Variants in MAP2K6 observed in about 807,000 individuals in gnomAD.
MAP2K6 encodes the protein dual specificity mitogen-activated protein kinase kinase 6.
Under a neutral mutation model 53.7 loss-of-function variants are expected in MAP2K6, and 16 were observed. That is an observed-to-expected ratio of 0.30 (90% CI 0.20 to 0.45). MAP2K6 has a LOEUF of 0.45. MAP2K6 is among the 20% of genes least tolerant of loss of function. The pLI is 1.00. For missense variants in MAP2K6, 204 were observed against 411.9 expected, an observed-to-expected ratio of 0.50 and a Z score of 4.37; for synonymous variants, 132 against 143.1, an observed-to-expected ratio of 0.92 and a Z score of 0.55.
rs558886545 is a variant in MAP2K6, at chr17:69,536,139, G to C, written c.906G>C (p.Arg302=). 17 of 1,611,068 alleles carry C rather than the reference G, an allele frequency of 1.1e-5. No individual in the cohort carries two copies. The East Asian group carries it at 3.6e-4, about 34-fold the overall frequency. ...SQCLKKNSKE[R]PTYPELMQHP... ...GCTTAAAGAAGAATTCCAAAGAACG[G>C]CCTACATACCCAGAGCTAATGGTGA... Residue 302 remains arginine (R), a synonymous_variant, in exon 11 of 12, where the codon CGG becomes CGC. Transcript: ENST00000590474.
chr17:69,447,473 G>T (rs1432040695), intron 1 of MAP2K6, among the ~76,000 whole-genome samples: 1 of 151,862 alleles, frequency 6.6e-6, no homozygotes, highest in Non-Finnish European at 1.5e-5. Flanking sequence ...AGCCTCCCGA[G>T]TAGCTGGAAT....
chr17:69,479,431 G>A (rs1452147925), intron 1 of MAP2K6, among the ~76,000 whole-genome samples: 1 of 152,054 alleles, frequency 6.6e-6, no homozygotes, highest in Non-Finnish European at 1.5e-5. Flanking sequence ...CAAGCTATGT[G>A]TAAAGGGGTG....
intron 1 of MAP2K6, chr17:69,435,018 C>T (rs1003471360): frequency 1.3e-5 from 2 of 152,156 alleles, no homozygotes; most frequent in African/African-American, 2.4e-5. Context: ...ATAACTCAAA[C>T]ATTTTACCTT....
At chr17:69,541,474 GGAAA>G (rs1378290305) in intron 11 of MAP2K6, among the ~76,000 whole-genome samples, 198 bp from the exon 12 acceptor site, 1 of 151,974 alleles carries the variant, frequency 6.6e-6, no homozygotes, top group Non-Finnish European at 1.5e-5. Flanking sequence ...ATATCAAGAT[GGAAA>G]GAGTGACAAC....
intron 1 of MAP2K6, among the ~76,000 whole-genome samples, chr17:69,449,301 A>G (rs947457699): frequency 1.6e-4 from 25 of 151,824 alleles, no homozygotes; most frequent in African/African-American, 6.0e-4. Flanking sequence ...ATAGTACATA[A>G]ACTATACATA....
In MAP2K6 at chr17:69,545,088, T is replaced by A; in HGVS notation, c.*3335T>A. On this transcript the variant is annotated 3_prime_UTR_variant, in exon 12 of 12. Transcript: ENST00000590474. ...CTCAGAGCTGGAGTTTTAGCATCAT[T>A]GACTCTTTGTAAAACGCCATGTCAT... 6.6e-6 allele frequency: 1 copy of A among 152,218 alleles called. No individual in the cohort carries two copies. Among genetic ancestry groups the A allele is most frequent in the Non-Finnish European group, 1.5e-5 (1 of 68,042 alleles). 9.4% of individuals were successfully genotyped at this position (152,218 alleles called of 1,614,324 possible).
At chr17:69,421,163 G>C (rs975424465) in intron 1 of MAP2K6, among the ~76,000 whole-genome samples, 1 of 152,162 alleles carries the variant, frequency 6.6e-6, no homozygotes, top group African/African-American at 2.4e-5. Context: ...GCTCTCATTT[G>C]CTCCTAAGTT....
chr17:69,419,544 A>T (rs1906009966), intron 1 of MAP2K6, among the ~76,000 whole-genome samples: 1 of 152,256 alleles, frequency 6.6e-6, no homozygotes, highest in Non-Finnish European at 1.5e-5. Flanking sequence ...TAATATTATT[A>T]GTGATAAGGC....
At chr17:69,512,927 C>T (rs910910005) in intron 2 of MAP2K6, among the ~76,000 whole-genome samples, 10 of 152,082 alleles carry the variant, frequency 6.6e-5, no homozygotes, top group Admixed American at 4.6e-4. Flanking sequence ...CATACTAAAC[C>T]GAAGCTGGTT....
rs915646370 is a variant in MAP2K6, at chr17:69,467,978, C to T, written c.17-37802C>T. Among the ~76,000 whole-genome samples, 8 of 152,308 alleles carry T rather than the reference C, an allele frequency of 5.3e-5. No individual in the cohort carries two copies. In the East Asian group the frequency reaches 1.5e-3, roughly 29 times the overall value. ...ACGAGGTTTCACCATGTTGGCCAGACTGGTCTCGAACTCCTGACCTCAAGT... is the reference window on the plus strand; with the variant it reads ...ACGAGGTTTCACCATGTTGGCCAGATTGGTCTCGAACTCCTGACCTCAAGT... On this transcript the variant is annotated intron_variant, in intron 1 of 11. Coordinates refer to ENST00000590474, the MANE Select transcript of MAP2K6 (RefSeq NM_002758.4).
chr17:69,485,430 A>T, intron 1 of MAP2K6: 1 of 974,658 alleles, frequency 1.0e-6, no homozygotes, highest in South Asian at 4.7e-5. Context: ...ATTTTCTCTT[A>T]TCTCTATGGA....
intron 1 of MAP2K6, among the ~76,000 whole-genome samples, chr17:69,498,418 T>G (rs1206620570): frequency 6.6e-6 from 1 of 152,128 alleles, no homozygotes; most frequent in Non-Finnish European, 1.5e-5. Context: ...AGCCTCACTC[T>G]ATCAACTTAG....
At chr17:69,505,581 C>T (rs936029848) in intron 1 of MAP2K6, 199 bp from the exon 2 acceptor site, 16 of 519,520 alleles carry the variant, frequency 3.1e-5, no homozygotes, top group Non-Finnish European at 4.5e-5. Flanking sequence ...TTCATGACCA[C>T]AGTCTGTATT....
intron 1 of MAP2K6, among the ~76,000 whole-genome samples, chr17:69,488,892 T>G (rs750446931): frequency 2.6e-5 from 4 of 152,156 alleles, no homozygotes; most frequent in Non-Finnish European, 4.4e-5. Context: ...CCTGCACATG[T>G]ACCTCCTGAA....
rs1171371785 is a variant in MAP2K6 at position 69,545,272 on chromosome 17, A to G, written c.*3519A>G. ...AAGGAGATAGAACCCCCATAAAGGT[A>G]TATGTTTGTTGATAAAATATCAGGT... On this transcript the variant is annotated 3_prime_UTR_variant, in exon 12 of 12. Coordinates refer to ENST00000590474, the MANE Select transcript of MAP2K6 (RefSeq NM_002758.4). 1.3e-5 allele frequency: 2 copies of G among 152,120 alleles called. No individual in the cohort carries two copies. Among genetic ancestry groups the G allele is most frequent in the East Asian group, 3.8e-4 (2 of 5,200 alleles). 9.4% of individuals were successfully genotyped at this position (152,120 alleles called of 1,614,324 possible). A position where few individuals can be genotyped will look rare whatever the true frequency, so the allele number is the denominator to read the frequency against.
At chr17:69,480,523 G>A (rs1324234912) in intron 1 of MAP2K6, among the ~76,000 whole-genome samples, 7 of 152,200 alleles carry the variant, frequency 4.6e-5, no homozygotes, top group African/African-American at 1.7e-4. Flanking sequence ...TGGCATACAA[G>A]GAGGAAGCTG....
At position 69,422,895 on chromosome 17, in the gene MAP2K6, T is replaced by C. The variant is rs192332523; in HGVS notation, c.16+7895T>C. ...TGTTTTTGTTTGTTTGTTTGTTTGTTTGTTTGAGATGGAGTTGCGCTCTTG... is the reference window on the plus strand; with the variant it reads ...TGTTTTTGTTTGTTTGTTTGTTTGTCTGTTTGAGATGGAGTTGCGCTCTTG... On this transcript the variant is annotated intron_variant, in intron 1 of 11. Transcript: ENST00000590474. Among the ~76,000 whole-genome samples, 569 of 152,108 alleles carry C rather than the reference T, an allele frequency of 3.7e-3. 2 individuals carry two copies. Among genetic ancestry groups the C allele is most frequent in the African/African-American group, 0.013 (529 of 41,422 alleles).
chr17:69,531,923 C>T lies in MAP2K6; in HGVS notation c.882-4192C>T, dbSNP rs184962895. On this transcript the variant is annotated intron_variant, in intron 10 of 11. Coordinates refer to ENST00000590474, the MANE Select transcript of MAP2K6 (RefSeq NM_002758.4). The stretch of plus-strand genomic sequence containing the variant: ...CTGCAGAAGGGTTAACAAACGAGTT[C>T]GCAAAAGATTGGAATCTTAGCCGGT... Among the ~76,000 whole-genome samples, 296 of 152,226 alleles carry T rather than the reference C, an allele frequency of 1.9e-3. 2 individuals carry two copies. Among genetic ancestry groups the T allele is most frequent in the Non-Finnish European group, 3.1e-3 (211 of 68,020 alleles).
chr17:69,468,363 A>G (rs988376573), intron 1 of MAP2K6, among the ~76,000 whole-genome samples: 42 of 152,206 alleles, frequency 2.8e-4, no homozygotes, highest in Admixed American at 6.6e-5. Context: ...AGAATGACTA[A>G]GGAAGTAATT....
Sources: allele counts gnomAD v4.1 joint callset (sites outside exome capture counted in the v4.1 genomes callset), GRCh38; gene constraint gnomAD v4.1.1; transcripts MANE v1.5; gene names NCBI Gene and HGNC (gene_info 2026-07-23, HGNC 2026-07-21).